The following TRMT11 variants were observed in gnomAD, a reference collection of about 807,000 sequenced individuals.
The protein encoded by TRMT11 is tRNA methyltransferase 11, also known as tRNA (guanine(10)-N(2))-methyltransferase TRMT11.
Under a neutral mutation model 62.8 loss-of-function variants are expected in TRMT11, and 53 were observed. That is an observed-to-expected ratio of 0.84 (90% CI 0.68 to 1.06). The LOEUF is 1.06. Among genes scored for constraint, TRMT11 ranks in the 50% least tolerant of loss-of-function variants. The pLI is 0.00. For synonymous variants in TRMT11, 188 were observed against 190.3 expected (o/e 0.99, Z 0.10); for missense variants, 556 against 553.4 (o/e 1.00, Z -0.05).
chr6:126,013,649 C>T (rs1794597028), intron 11 of TRMT11, among the ~76,000 whole-genome samples: 1 of 152,196 alleles, frequency 6.6e-6, no homozygotes, highest in Admixed American at 6.5e-5. Flanking sequence ...ATATGGTCCT[C>T]AGCCTGTGTT....
intron 17 of TRMT11, among the ~76,000 whole-genome samples, chr6:126,078,524 A>G (rs772002639): frequency 7.2e-5 from 11 of 152,110 alleles, no homozygotes. Context: ...CATAAGACAC[A>G]ATAAATCAAG....
rs1775671399 is a variant in TRMT11, at chr6:126,038,736, A to G, written c.1292A>G (p.Asp431Gly). The G allele has an allele frequency of 1.9e-6, 3 of 1,597,460 alleles. No homozygotes were observed. Among genetic ancestry groups the G allele is most frequent in the Non-Finnish European group, 2.6e-6 (3 of 1,174,078 alleles). The change falls in exon 13 of 13, where the codon GAT becomes GGT. Residue 431 changes from aspartate (D) to glycine (G), a missense_variant. Physicochemically the swap from Asp to Gly is moderately conservative, Grantham distance 94. Transcript: ENST00000334379. The part of the protein sequence containing the change: ...NRDQYSHLLS[D>G]HFLPYQGHNS... Reference sequence around the variant, plus strand: ...GACCAGTATTCACATCTGCTAAGTGATCATTTTCTGCCATACCAAGGTCAT... The same window carrying G: ...GACCAGTATTCACATCTGCTAAGTGGTCATTTTCTGCCATACCAAGGTCAT...
chr6:126,178,661 C>T (rs1206309869), intron 1 of TRMT11, among the ~76,000 whole-genome samples: 1 of 152,098 alleles, frequency 6.6e-6, no homozygotes, highest in Non-Finnish European at 1.5e-5. Flanking sequence ...GCGCATGTTT[C>T]CTTAGGGTCA....
intron 12 of TRMT11, among the ~76,000 whole-genome samples, chr6:126,036,177 C>T (rs1775155765): frequency 1.3e-5 from 2 of 152,034 alleles, no homozygotes; most frequent in Non-Finnish European, 2.9e-5. Flanking sequence ...AGCTAGAATA[C>T]CTGACTGCAT....
At chr6:126,090,987 G>C (rs1777268927) in intron 17 of TRMT11, among the ~76,000 whole-genome samples, 1 of 152,132 alleles carries the variant, frequency 6.6e-6, no homozygotes, top group African/African-American at 2.4e-5. Flanking sequence ...AAGGCTTGCG[G>C]ATAACTTGAG....
chr6:126,193,697 T>A (rs1197409804), intron 1 of TRMT11, among the ~76,000 whole-genome samples: 1 of 151,502 alleles, frequency 6.6e-6, no homozygotes, highest in Admixed American at 6.6e-5. Flanking sequence ...GTTTCACCAT[T>A]CTAGCCAGGA....
chr6:126,255,860 G>C, the TRMT11 span, among the ~76,000 whole-genome samples: 1 of 152,156 alleles, frequency 6.6e-6, no homozygotes, highest in East Asian at 1.9e-4. Flanking sequence ...GAATCTTGGG[G>C]CCTCTGTATT....
intron 21 of TRMT11, among the ~76,000 whole-genome samples, chr6:126,135,565 A>T (rs919298070): frequency 2.0e-5 from 3 of 151,776 alleles, no homozygotes; most frequent in Admixed American, 1.3e-4. Flanking sequence ...ACATTTGAAG[A>T]AGTACTAATA....
intron 17 of TRMT11, among the ~76,000 whole-genome samples, chr6:126,062,134 C>T (rs1362945223): frequency 6.6e-6 from 1 of 152,230 alleles, no homozygotes; most frequent in Non-Finnish European, 1.5e-5. Context: ...GATCCGTCCA[C>T]CTTGGCAGCC....
chr6:125,986,696 C>T (rs1011842577), intron 1 of TRMT11, 74 bp downstream of exon 1: 12 of 1,380,988 alleles, frequency 8.7e-6, no homozygotes, highest in Non-Finnish European at 1.1e-5. Flanking sequence ...TGGAGGTGAT[C>T]TGCATAGCCC....
At chr6:126,158,135 G>C (rs1254202483) in intron 21 of TRMT11, among the ~76,000 whole-genome samples, 1 of 152,010 alleles carries the variant, frequency 6.6e-6, no homozygotes, top group Non-Finnish European at 1.5e-5. Flanking sequence ...TGTATGTTTA[G>C]TTTGAACATT....
intron 21 of TRMT11, among the ~76,000 whole-genome samples, chr6:126,130,724 C>T (rs1354469022): frequency 2.6e-5 from 4 of 152,060 alleles, no homozygotes; most frequent in African/African-American, 9.7e-5. Flanking sequence ...CACAACCTCC[C>T]AGCAAACCAC....
rs184347371 is a variant in TRMT11, at chr6:126,079,204, G to A, written c.*1437+26014G>A. Among the ~76,000 whole-genome samples, 74 of 152,098 alleles carry A rather than the reference G, an allele frequency of 4.9e-4. 1 individual carries two copies. The highest frequency in any genetic ancestry group is 6.8e-3 in the Middle Eastern group (2 of 294). On this transcript the variant is annotated intron_variant and NMD_transcript_variant, in intron 17 of 22. Coordinates refer to the TRMT11 transcript ENST00000648977. Reference sequence around the variant, plus strand: ...CTAATTTATTTATTTATTTTTCTACGGTAGGGGATTTATTTTTTTACTGAA... The same window carrying A: ...CTAATTTATTTATTTATTTTTCTACAGTAGGGGATTTATTTTTTTACTGAA...
Position 126,048,539 on chromosome 6 carries a change from A to G in TRMT11, c.*1370-4584A>G, listed in dbSNP as rs1052877011. On this transcript the variant is annotated intron_variant and NMD_transcript_variant, in intron 16 of 22. Transcript: ENST00000648977. ...CACTCATATTGACATCCATTTTAAA[A>G]TCTCATTCTCTGATGAGACCAGCTA... Among the ~76,000 whole-genome samples the G allele has an allele frequency of 4.1e-4, 62 of 152,168 alleles. 1 individual carries two copies. The highest frequency in any genetic ancestry group is 1.5e-4 in the Non-Finnish European group (10 of 68,032).
At chr6:126,091,051 A>C (rs1228197141) in intron 17 of TRMT11, among the ~76,000 whole-genome samples, 3 of 152,076 alleles carry the variant, frequency 2.0e-5, no homozygotes, top group Admixed American at 2.0e-4. Flanking sequence ...CTCTACTAAA[A>C]ATACAAAAAT....
In TRMT11 at chr6:126,064,739, A is replaced by G. The variant is rs77490611; in HGVS notation, c.*1437+11549A>G. On this transcript the variant is annotated intron_variant and NMD_transcript_variant, in intron 17 of 22. Coordinates refer to the TRMT11 transcript ENST00000648977. ...TAAGTTAGGCCCAGATTCATTGAAAAGGAAGGAGACAGCTCTTAGGCTGCA... is the reference window on the plus strand; with the variant it reads ...TAAGTTAGGCCCAGATTCATTGAAAGGGAAGGAGACAGCTCTTAGGCTGCA... Among the ~76,000 whole-genome samples, 738 of 152,342 alleles carry G rather than the reference A, an allele frequency of 4.8e-3. 6 individuals carry two copies. The highest frequency in any genetic ancestry group is 0.017 in the African/African-American group (706 of 41,572).
chr6:126,165,775 TC>T (rs1041236053), intron 21 of TRMT11, among the ~76,000 whole-genome samples: 1 of 152,192 alleles, frequency 6.6e-6, no homozygotes, highest in African/African-American at 2.4e-5. Flanking sequence ...GTTGCTCTTC[TC>T]AGGGAGTATC....
chr6:126,187,487 C>A (rs770502469), intron 1 of TRMT11, among the ~76,000 whole-genome samples: 3 of 151,942 alleles, frequency 2.0e-5, no homozygotes, highest in Admixed American at 6.6e-5. Flanking sequence ...ATAAATATCA[C>A]GTCTGTAAAT....
chr6:126,239,327 T>A, the TRMT11 span, among the ~76,000 whole-genome samples: 5 of 152,166 alleles, frequency 3.3e-5, no homozygotes, highest in Admixed American at 1.3e-4. Flanking sequence ...ATTTGTCATG[T>A]TTTTGCAGTG....
Sources: allele counts gnomAD v4.1 joint callset (sites outside exome capture counted in the v4.1 genomes callset), GRCh38; gene constraint gnomAD v4.1.1; transcripts MANE v1.5; gene names NCBI Gene and HGNC (gene_info 2026-07-23, HGNC 2026-07-21).